NLGN4X: variants seen among roughly 807,000 people sequenced by gnomAD.
NLGN4X encodes neuroligin 4 X-linked, also known as neuroligin-4, X-linked.
A neutral mutation model predicts 40.3 loss-of-function variants in NLGN4X; 3 were observed. The observed-to-expected ratio is 0.07, with a 90% CI of 0.03 to 0.19. The LOEUF (loss-of-function observed/expected upper bound fraction) is 0.19. Ranked by LOEUF, NLGN4X falls within the 10% of genes least tolerant of loss-of-function variation. NLGN4X has a pLI of 1.00. For synonymous variants in NLGN4X, 270 were observed against 306.8 expected (o/e 0.88, Z 1.25); for missense variants, 382 against 708.3 (o/e 0.54, Z 5.23).
chrX:6,063,138 C>A (rs2037813447), intron 2 of NLGN4X, among the ~76,000 whole-genome samples: 1 of 111,609 alleles, frequency 9.0e-6, no homozygotes, highest in Non-Finnish European at 1.9e-5. Flanking sequence ...TTCCACTTAT[C>A]CTCTTCTAGT....
At chrX:5,904,840 T>G (rs2146739988) in intron 4 of NLGN4X, among the ~76,000 whole-genome samples, 1 of 111,827 alleles carries the variant, frequency 8.9e-6, no homozygotes, top group Non-Finnish European at 1.9e-5. Flanking sequence ...GTTCATGCCC[T>G]GTCGATTTTT....
At chrX:6,216,807 G>C (rs1317449724) in intron 1 of NLGN4X, among the ~76,000 whole-genome samples, 1 of 111,830 alleles carries the variant, frequency 8.9e-6, no homozygotes, top group Non-Finnish European at 1.9e-5. Context: ...TTTAAGAGAT[G>C]GAGTGTCACT....
At position 5,898,029 on chromosome X, in the gene NLGN4X, CTT is replaced by C. The variant is rs1390193909; in HGVS notation, c.1602-4365_1602-4364del. ...CTCTTCCTTCCTCCCTCCCTTCCTT[CTT>C]TCTCTCTCCCTCCATTTTTTCCTTC... On this transcript the variant is annotated intron_variant, in intron 5 of 5. Transcript: ENST00000381095. 1.1e-4 allele frequency among the ~76,000 whole-genome samples: 11 copies of C among 98,996 alleles called. No individual in the cohort carries two copies. In the East Asian group the frequency reaches 2.0e-3, roughly 18 times the overall value. 86.0% of individuals were successfully genotyped at this position (98,996 alleles called of 115,157 possible).
chrX:5,981,901 G>A (rs1161886873), intron 3 of NLGN4X, among the ~76,000 whole-genome samples: 2 of 111,278 alleles, frequency 1.8e-5, no homozygotes, highest in Non-Finnish European at 1.9e-5. Context: ...ATCAACAGCT[G>A]GCACTAAATC....
In NLGN4X at chrX:6,207,212, G is replaced by A. The variant is rs187773710; in HGVS notation, c.-306+21329C>T. Among the ~76,000 whole-genome samples the A allele has an allele frequency of 1.7e-3, 192 of 112,106 alleles. 1 individual carries two copies. The highest frequency in any genetic ancestry group is 5.9e-3 in the African/African-American group (184 of 30,969). On this transcript the variant is annotated intron_variant, in intron 1 of 5. Coordinates refer to ENST00000381095, the MANE Select transcript of NLGN4X (RefSeq NM_181332.3). ...CATTTGCATCACATTGATGAATGAG[G>A]TCAGAATATATTCTCTCTGCACATA... is the stretch of plus-strand genomic sequence containing the variant.
At chrX:6,124,941 C>T (rs1163820410) in intron 2 of NLGN4X, among the ~76,000 whole-genome samples, 2 of 112,166 alleles carry the variant, frequency 1.8e-5, no homozygotes, top group Non-Finnish European at 1.9e-5. Flanking sequence ...TATATTCTAT[C>T]GGTCAACAGA....
At chrX:5,894,665 A>T (rs2031390905) in intron 5 of NLGN4X, among the ~76,000 whole-genome samples, 1 of 112,161 alleles carries the variant, frequency 8.9e-6, no homozygotes, top group Non-Finnish European at 1.9e-5. Flanking sequence ...TTCATAAAAC[A>T]TAGGGCCTTT....
intron 2 of NLGN4X, among the ~76,000 whole-genome samples, chrX:6,060,153 A>G (rs934653492): frequency 2.7e-5 from 3 of 112,213 alleles, no homozygotes; most frequent in Non-Finnish European, 5.6e-5. Flanking sequence ...ACACAGAGTT[A>G]TGTGGGAAAA....
At chrX:6,134,653 T>C (rs772814385) in intron 2 of NLGN4X, among the ~76,000 whole-genome samples, 100 of 112,624 alleles carry the variant, frequency 8.9e-4, no homozygotes, top group Non-Finnish European at 3.4e-4. Flanking sequence ...TGCTAATGCC[T>C]GGGGCCCATA....
chrX:5,902,936 G>T (rs1162760243), intron 5 of NLGN4X, 141 bp downstream of exon 5: 8 of 674,748 alleles, frequency 1.2e-5, no homozygotes, highest in Non-Finnish European at 1.9e-5. Flanking sequence ...GTAAGCGTGT[G>T]TCTGTGTGTA....
At chrX:6,126,996 G>A (rs894108081) in intron 2 of NLGN4X, among the ~76,000 whole-genome samples, 3 of 18,028 alleles carry the variant, frequency 1.7e-4, no homozygotes, top group African/African-American at 6.9e-4. Context: ...GGGGGGAGGA[G>A]TCTGTCCCCT....
intron 2 of NLGN4X, among the ~76,000 whole-genome samples, chrX:6,124,176 A>C (rs774094209): frequency 4.8e-4 from 53 of 111,386 alleles, no homozygotes; most frequent in African/African-American, 1.6e-3. Flanking sequence ...AAAAGGTGTA[A>C]CTGACACTTT....
intron 5 of NLGN4X, among the ~76,000 whole-genome samples, chrX:5,894,734 T>C (rs2146691546): frequency 8.9e-6 from 1 of 112,541 alleles, no homozygotes; most frequent in African/African-American, 3.2e-5. Context: ...AAAAATAAAT[T>C]ACCAAATGCT....
chrX:6,152,847 G>A (rs2040192441), intron 1 of NLGN4X, among the ~76,000 whole-genome samples: 1 of 112,358 alleles, frequency 8.9e-6, no homozygotes, highest in Admixed American at 9.5e-5. Flanking sequence ...TCACCCTTCA[G>A]CCCATTTAAA....
intron 2 of NLGN4X, among the ~76,000 whole-genome samples, chrX:6,083,444 A>G (rs2038419888): frequency 8.9e-6 from 1 of 112,222 alleles, no homozygotes; most frequent in African/African-American, 3.2e-5. Flanking sequence ...GTTTTGTTGT[A>G]GCAGCATAAA....
chrX:5,959,327 T>C, intron 3 of NLGN4X, among the ~76,000 whole-genome samples: 1 of 112,407 alleles, frequency 8.9e-6, no homozygotes, highest in Non-Finnish European at 1.9e-5. Flanking sequence ...TGGATTTTTA[T>C]ACCTTCATCA....
At chrX:5,948,759 A>G (rs565658525) in intron 3 of NLGN4X, among the ~76,000 whole-genome samples, 2 of 112,144 alleles carry the variant, frequency 1.8e-5, no homozygotes, top group East Asian at 5.6e-4. Flanking sequence ...AAACATGCCC[A>G]TAATGTGGGG....
At chrX:6,136,533 G>C (rs1354478201) in intron 2 of NLGN4X, among the ~76,000 whole-genome samples, 1 of 112,085 alleles carries the variant, frequency 8.9e-6, no homozygotes, top group Non-Finnish European at 1.9e-5. Context: ...CTTGCTGGCT[G>C]TTGTTTCAGA....
intron 1 of NLGN4X, among the ~76,000 whole-genome samples, chrX:6,219,427 T>TACC (rs78915712): frequency 1.0e-4 from 10 of 99,095 alleles, no homozygotes; most frequent in African/African-American, 1.5e-4. Context: ...CTCTCCTTCC[T>TACC]TTTTCTCTTC....
Sources: gnomAD v4.1 joint callset for allele counts (sites outside exome capture counted in the v4.1 genomes callset) on GRCh38, gnomAD v4.1.1 for gene constraint, MANE v1.5 for transcripts, NCBI Gene and HGNC (gene_info 2026-07-23, HGNC 2026-07-21) for gene names.